Variants in ACER3 observed in about 807,000 individuals in gnomAD.
ACER3 encodes the protein alkCDase 3.
A neutral mutation model predicts 48.9 loss-of-function variants in ACER3; 16 were observed. The observed-to-expected ratio is 0.33, with a 90% CI of 0.22 to 0.50. The LOEUF (loss-of-function observed/expected upper bound fraction) is 0.50, where lower values mean the gene tolerates loss of function less well. ACER3 is among the 20% of genes least tolerant of loss of function. The pLI is 0.98. For missense variants in ACER3, 227 were observed against 326.0 expected (o/e 0.70, Z 2.34); for synonymous variants, 109 against 107.8 (o/e 1.01, Z -0.07).
intron 1 of ACER3, among the ~76,000 whole-genome samples, chr11:76,915,094 G>A (rs1472064641): frequency 6.6e-6 from 1 of 151,958 alleles, no homozygotes; most frequent in Non-Finnish European, 1.5e-5. Flanking sequence ...TGTAAATGAC[G>A]AGTTAATGGG....
chr11:76,868,383 C>CTGTGTGTGTGTGTG (rs1336087249), intron 1 of ACER3: 8 of 526,186 alleles, frequency 1.5e-5, no homozygotes, highest in East Asian at 8.8e-5. Flanking sequence ...ATATCTCTCT[C>CTGTGTGTGTGTGTG]TCTCTCTCTG....
intron 1 of ACER3, among the ~76,000 whole-genome samples, chr11:76,898,903 CAAAAAAAA>C (rs59278347): frequency 1.3e-3 from 73 of 55,838 alleles, no homozygotes; most frequent in African/African-American, 6.0e-3. Context: ...GACTCCGTCT[CAAAAAAAA>C]AAAAAAAAAA....
At chr11:76,911,773 A>G (rs953062897) in intron 1 of ACER3, among the ~76,000 whole-genome samples, 5 of 152,202 alleles carry the variant, frequency 3.3e-5, no homozygotes, top group Non-Finnish European at 4.4e-5. Flanking sequence ...CACTATAAGT[A>G]TCCAAAAAAG....
chr11:76,891,110 C>T (rs1248037728), intron 1 of ACER3, among the ~76,000 whole-genome samples: 1 of 115,788 alleles, frequency 8.6e-6, no homozygotes, highest in East Asian at 2.1e-4. Context: ...TAGAGCAAGA[C>T]TGTCTAAAAA....
intron 1 of ACER3, among the ~76,000 whole-genome samples, chr11:76,902,347 T>C (rs1175326227): frequency 6.6e-6 from 1 of 152,214 alleles, no homozygotes; most frequent in Non-Finnish European, 1.5e-5. Flanking sequence ...GATAGGCCTT[T>C]CCTTTAGCAA....
chr11:76,998,063 G>T (rs1486208986), intron 6 of ACER3, among the ~76,000 whole-genome samples: 1 of 152,146 alleles, frequency 6.6e-6, no homozygotes, highest in Admixed American at 6.6e-5. Context: ...CTTCTTGGGG[G>T]TTAACAAGGA....
At chr11:76,963,956 G>A (rs978230011) in intron 3 of ACER3, among the ~76,000 whole-genome samples, 4 of 151,370 alleles carry the variant, frequency 2.6e-5, no homozygotes, top group African/African-American at 7.4e-5. Flanking sequence ...GGGGAGTGCC[G>A]GACATTGGGT....
chr11:76,904,241 C>A lies in ACER3; in HGVS notation c.104-22316C>A, dbSNP rs967492328. 3.9e-5 allele frequency among the ~76,000 whole-genome samples: 6 copies of A among 152,194 alleles called. No individual in the cohort carries two copies. The South Asian group carries it at 6.2e-4, about 16-fold the overall frequency. ...ACCTTAAGTGATCCCCACCTGCGAC[C>A]CTGCCCCAGCCCCACAAAGTGCTGG... is the stretch of plus-strand genomic sequence containing the variant. On this transcript the variant is annotated intron_variant, in intron 1 of 10. Coordinates refer to ENST00000532485, the MANE Select transcript of ACER3 (RefSeq NM_018367.7).
intron 1 of ACER3, among the ~76,000 whole-genome samples, chr11:76,920,817 T>C (rs1232354249): frequency 2.0e-5 from 3 of 151,966 alleles, no homozygotes; most frequent in Admixed American, 6.6e-5. Flanking sequence ...TAAAAAATTT[T>C]TTGTAGAGAT....
intron 7 of ACER3, among the ~76,000 whole-genome samples, chr11:77,013,044 G>A (rs1373133164): frequency 6.6e-6 from 1 of 151,942 alleles, no homozygotes; most frequent in African/African-American, 2.4e-5. Flanking sequence ...AAATTGTGCT[G>A]GAACAAATGA....
At chr11:76,904,997 A>G (rs1946185560) in intron 1 of ACER3, among the ~76,000 whole-genome samples, 1 of 152,116 alleles carries the variant, frequency 6.6e-6, no homozygotes. Context: ...CATTGCAGGT[A>G]CATGCCACCA....
At chr11:76,877,357 A>G (rs568386824) in intron 1 of ACER3, among the ~76,000 whole-genome samples, 1 of 152,308 alleles carries the variant, frequency 6.6e-6, no homozygotes, top group East Asian at 1.9e-4. Context: ...TATGCATGTT[A>G]AAATCTTGAT....
At chr11:77,010,213 TG>T (rs1949234069) in intron 7 of ACER3, among the ~76,000 whole-genome samples, 1 of 150,352 alleles carries the variant, frequency 6.7e-6, no homozygotes, top group Non-Finnish European at 1.5e-5. Flanking sequence ...TTTGGCATGG[TG>T]GCATGCTCTT....
intron 1 of ACER3, among the ~76,000 whole-genome samples, chr11:76,910,238 G>A (rs1158417756): frequency 6.6e-5 from 10 of 152,108 alleles, no homozygotes; most frequent in South Asian, 2.1e-4. Flanking sequence ...AAACCTGCAC[G>A]TTCTGCACAT....
chr11:76,894,740 G>A (rs566644110), intron 1 of ACER3, among the ~76,000 whole-genome samples: 2 of 152,252 alleles, frequency 1.3e-5, no homozygotes, highest in South Asian at 4.2e-4. Context: ...TCACAAGTTT[G>A]GATATTTGAA....
At chr11:76,868,331 A>G (rs1945147756) in intron 1 of ACER3, 17 of 1,233,568 alleles carry the variant, frequency 1.4e-5, no homozygotes, top group African/African-American at 1.6e-5. Context: ...AATGAAGGCC[A>G]AATGAAAGGA....
chr11:76,934,671 CGTGG>C (rs1947125011), intron 2 of ACER3, among the ~76,000 whole-genome samples: 1 of 142,484 alleles, frequency 7.0e-6, no homozygotes, highest in African/African-American at 3.1e-5. Context: ...AGAGGGAGAC[CGTGG>C]AAAGAGAGGG....
At chr11:76,926,955 T>C (rs1381701020) in intron 2 of ACER3, among the ~76,000 whole-genome samples, 1 of 152,264 alleles carries the variant, frequency 6.6e-6, no homozygotes, top group East Asian at 1.9e-4. Context: ...CAATTTATAA[T>C]ATTTGTTTCA....
chr11:77,023,323 A>T lies in ACER3; in HGVS notation c.*2996A>T. 2.5e-6 allele frequency: 1 copy of T among 394,348 alleles called. No homozygotes were observed. The highest frequency in any genetic ancestry group is 4.5e-6 in the Non-Finnish European group (1 of 223,302). 24.4% of individuals were successfully genotyped at this position (394,348 alleles called of 1,614,324 possible). On this transcript the variant is annotated 3_prime_UTR_variant, in exon 11 of 11. Coordinates refer to ENST00000532485, the MANE Select transcript of ACER3 (RefSeq NM_018367.7). ...TAAGAGGGTTTTTCTTATAATAAGG[A>T]GAAGAGGTGTGGTTCAAAGAAAATT...
Sources: gnomAD v4.1 joint callset for allele counts (sites outside exome capture counted in the v4.1 genomes callset) on GRCh38, gnomAD v4.1.1 for gene constraint, MANE v1.5 for transcripts, NCBI Gene and HGNC (gene_info 2026-07-23, HGNC 2026-07-21) for gene names.